AUTS2: variants seen among roughly 807,000 people sequenced by gnomAD.
The protein encoded by AUTS2 is activator of transcription and developmental regulator AUTS2.
A neutral mutation model predicts 112.4 loss-of-function variants in AUTS2; 17 were observed. The ratio of observed to expected loss-of-function variants is 0.15; its 90% confidence interval spans 0.10 to 0.23. The LOEUF is 0.23. Ranked by LOEUF, AUTS2 falls within the 10% of genes least tolerant of loss-of-function variation. AUTS2 has a pLI of 1.00. For missense variants in AUTS2, 1,510 were observed against 1,701.6 expected, an observed-to-expected ratio of 0.89 and a Z score of 1.98; for synonymous variants, 751 against 702.7, an observed-to-expected ratio of 1.07 and a Z score of -1.09.
chr7:70,518,577 G>A (rs1325163333), intron 5 of AUTS2, among the ~76,000 whole-genome samples: 1 of 152,012 alleles, frequency 6.6e-6, no homozygotes, highest in Non-Finnish European at 1.5e-5. Flanking sequence ...CCAGCTACTT[G>A]GGAGGCTAAG....
chr7:70,073,096 CCT>C (rs1491457091), intron 2 of AUTS2, among the ~76,000 whole-genome samples: 1 of 140,212 alleles, frequency 7.1e-6, no homozygotes, highest in Non-Finnish European at 1.6e-5. Flanking sequence ...TTTCTCCTCT[CCT>C]TTTTTTTTTC....
At chr7:70,765,388 C>G (rs1349488252) in intron 8 of AUTS2, among the ~76,000 whole-genome samples, 1 of 152,148 alleles carries the variant, frequency 6.6e-6, no homozygotes, top group Non-Finnish European at 1.5e-5. Flanking sequence ...AGATTGTGTC[C>G]TGGTTTAAGG....
At chr7:70,330,745 C>A (rs886769913) in intron 4 of AUTS2, among the ~76,000 whole-genome samples, 7 of 152,208 alleles carry the variant, frequency 4.6e-5, no homozygotes, top group Non-Finnish European at 1.0e-4. Flanking sequence ...TACTGTCTCC[C>A]AACCCATGAA....
intron 1 of AUTS2, among the ~76,000 whole-genome samples, chr7:69,687,064 GTCT>G (rs1426951819): frequency 1.3e-5 from 2 of 152,166 alleles, no homozygotes; most frequent in East Asian, 3.8e-4. Context: ...TTCTATCTAT[GTCT>G]TCTTTAGCAG....
At chr7:69,712,957 C>T (rs1798400752) in intron 1 of AUTS2, among the ~76,000 whole-genome samples, 1 of 152,100 alleles carries the variant, frequency 6.6e-6, no homozygotes, top group Non-Finnish European at 1.5e-5. Flanking sequence ...TTACATTTTC[C>T]TTTCCCTACT....
At chr7:70,051,280 G>A (rs529112128) in intron 2 of AUTS2, among the ~76,000 whole-genome samples, 3 of 152,232 alleles carry the variant, frequency 2.0e-5, no homozygotes, top group African/African-American at 4.8e-5. Flanking sequence ...TTTTGAGTGC[G>A]TTTGTCTCCT....
At chr7:70,641,337 C>G (rs1805817695) in intron 5 of AUTS2, among the ~76,000 whole-genome samples, 1 of 152,052 alleles carries the variant, frequency 6.6e-6, no homozygotes, top group Non-Finnish European at 1.5e-5. Context: ...ATCACAAGGT[C>G]AGGAGATCAA....
At chr7:70,433,486 G>T (rs2130842952) in intron 4 of AUTS2, among the ~76,000 whole-genome samples, 1 of 152,340 alleles carries the variant, frequency 6.6e-6, no homozygotes, top group Admixed American at 6.5e-5. Flanking sequence ...GCAATGGAGA[G>T]ATCACACAAT....
chr7:70,114,803 G>GA (rs1298360220), intron 2 of AUTS2, among the ~76,000 whole-genome samples: 165 of 139,168 alleles, frequency 1.2e-3, no homozygotes, highest in Middle Eastern at 3.7e-3. Context: ...CTCCGTCTCA[G>GA]AAAAAAAAAA....
chr7:70,770,913 A>G (rs1377351902), intron 10 of AUTS2, among the ~76,000 whole-genome samples: 1 of 152,246 alleles, frequency 6.6e-6, no homozygotes, highest in Non-Finnish European at 1.5e-5. Flanking sequence ...TGGCAGCTCC[A>G]TTTAAAGTAT....
chr7:70,476,169 C>G (rs1797574298), intron 5 of AUTS2, among the ~76,000 whole-genome samples: 1 of 152,086 alleles, frequency 6.6e-6, no homozygotes, highest in South Asian at 2.1e-4. Context: ...TTACCCATCC[C>G]CATAACAACT....
intron 4 of AUTS2, among the ~76,000 whole-genome samples, chr7:70,266,917 G>A (rs957159888): frequency 8.5e-5 from 13 of 152,198 alleles, no homozygotes; most frequent in African/African-American, 3.1e-4. Context: ...CCCGCTTTGG[G>A]CCATGGCCCA....
At chr7:70,720,728 T>C (rs1251409375) in intron 6 of AUTS2, among the ~76,000 whole-genome samples, 1 of 152,182 alleles carries the variant, frequency 6.6e-6, no homozygotes, top group Non-Finnish European at 1.5e-5. Context: ...AGCTGAGGAA[T>C]TCCTTTTAAA....
chr7:70,622,086 C>A (rs1006720187), intron 5 of AUTS2, among the ~76,000 whole-genome samples: 14 of 151,912 alleles, frequency 9.2e-5, no homozygotes, highest in Non-Finnish European at 1.9e-4. Context: ...GATCTGCCCG[C>A]CTCGTCCTCC....
intron 1 of AUTS2, among the ~76,000 whole-genome samples, chr7:69,886,227 T>C (rs1179671866): frequency 6.6e-6 from 1 of 152,228 alleles, no homozygotes; most frequent in Non-Finnish European, 1.5e-5. Flanking sequence ...CTAATAGGCA[T>C]ATATGCACTT....
At chr7:70,312,611 A>G (rs1299174326) in intron 4 of AUTS2, among the ~76,000 whole-genome samples, 1 of 152,184 alleles carries the variant, frequency 6.6e-6, no homozygotes, top group Non-Finnish European at 1.5e-5. Flanking sequence ...TAAATCAGAT[A>G]AAATAGACAC....
intron 2 of AUTS2, among the ~76,000 whole-genome samples, chr7:69,966,118 G>T (rs886220389): frequency 1.3e-5 from 2 of 152,156 alleles, no homozygotes; most frequent in Non-Finnish European, 2.9e-5. Context: ...TTTCCATGAG[G>T]ACATTTATTA....
chr7:70,428,232 T>A (rs1012888367), intron 4 of AUTS2, among the ~76,000 whole-genome samples: 1 of 152,088 alleles, frequency 6.6e-6, no homozygotes, highest in Non-Finnish European at 1.5e-5. Context: ...AAAACCAATA[T>A]GAGAGCAATG....
At chr7:70,147,923 T>G (rs761433579) in intron 4 of AUTS2, among the ~76,000 whole-genome samples, 1 of 151,930 alleles carries the variant, frequency 6.6e-6, no homozygotes, top group Non-Finnish European at 1.5e-5. Context: ...ATTTCTTTCT[T>G]CTTGATGTTC....
Sources: allele counts gnomAD v4.1 joint callset (sites outside exome capture counted in the v4.1 genomes callset), GRCh38; gene constraint gnomAD v4.1.1; transcripts MANE v1.5; gene names NCBI Gene and HGNC (gene_info 2026-07-23, HGNC 2026-07-21).